ARID1B: variants seen among roughly 807,000 people sequenced by gnomAD.
ARID1B encodes AT-rich interactive domain-containing protein 1B.
A neutral mutation model predicts 212.3 loss-of-function variants in ARID1B; 30 were observed. That is an observed-to-expected ratio of 0.14 (90% CI 0.11 to 0.19). The LOEUF (loss-of-function observed/expected upper bound fraction) is 0.19, where lower values mean the gene tolerates loss of function less well. Among genes scored for constraint, ARID1B ranks in the 10% least tolerant of loss-of-function variants. The probability of loss-of-function intolerance (pLI) is 1.00; values close to 1 mark genes in which losing one functional copy is unlikely to be tolerated. For synonymous variants in ARID1B, 1,402 were observed against 1,301.7 expected, an observed-to-expected ratio of 1.08 and a Z score of -1.66; for missense variants, 2,891 against 3,204.0, an observed-to-expected ratio of 0.90 and a Z score of 2.36.
At chr6:157,022,800 T>C (rs1780403158) in intron 4 of ARID1B, 1 of 152,230 alleles carries the variant, frequency 6.6e-6, no homozygotes, top group Non-Finnish European at 1.5e-5. Flanking sequence ...CAACTTAATT[T>C]TGGAATTCTG....
At position 156,916,645 on chromosome 6, in the gene ARID1B, G is replaced by A. The variant is rs111554709; in HGVS notation, c.2136+15120G>A. Among the ~76,000 whole-genome samples, 525 of 151,964 alleles carry A rather than the reference G, an allele frequency of 3.5e-3. 4 individuals are homozygous for A. The highest frequency in any genetic ancestry group is 0.012 in the African/African-American group (508 of 41,430). On this transcript the variant is annotated intron_variant, in intron 3 of 19. Coordinates refer to ENST00000636930, the MANE Select transcript of ARID1B (RefSeq NM_001374828.1). ...GTTTCTGCTTGCCTTATGTTTCCCC[G>A]TTGTCAGGTCTCGATGCATCACATG...
At chr6:156,983,044 G>A (rs548124391) in intron 4 of ARID1B, among the ~76,000 whole-genome samples, 24 of 151,182 alleles carry the variant, frequency 1.6e-4, no homozygotes, top group Admixed American at 1.1e-3. Context: ...GCAGTGAGCC[G>A]AGATTGCACA....
intron 1 of ARID1B, among the ~76,000 whole-genome samples, chr6:156,806,297 G>C (rs568090816): frequency 6.6e-6 from 1 of 152,204 alleles, no homozygotes; most frequent in Non-Finnish European, 1.5e-5. Flanking sequence ...GGTTCTTTTA[G>C]TTTCTCAAGT....
At chr6:156,984,282 C>G (rs1458405747) in intron 4 of ARID1B, among the ~76,000 whole-genome samples, 1 of 152,232 alleles carries the variant, frequency 6.6e-6, no homozygotes, top group Non-Finnish European at 1.5e-5. Context: ...ATCATTGGAA[C>G]TAATTCTCTT....
rs561469382 is a variant in ARID1B, at chr6:157,021,182, C to T, written c.2248-63480C>T. 6.6e-5 allele frequency among the ~76,000 whole-genome samples: 10 copies of T among 152,226 alleles called. No homozygotes were observed. In the East Asian group the frequency reaches 1.2e-3, roughly 18 times the overall value. On this transcript the variant is annotated intron_variant, in intron 4 of 19. Coordinates refer to ENST00000636930, the MANE Select transcript of ARID1B (RefSeq NM_001374828.1). Reference sequence around the variant, plus strand: ...CGCTTTCAGGCCGCCAGCTCTCAGGCCTCGCTTTCCGGTCCTCACTGCGCG... The same window carrying T: ...CGCTTTCAGGCCGCCAGCTCTCAGGTCTCGCTTTCCGGTCCTCACTGCGCG...
chr6:157,137,176 G>A (rs1788983462), intron 7 of ARID1B, among the ~76,000 whole-genome samples: 1 of 152,060 alleles, frequency 6.6e-6, no homozygotes, highest in Admixed American at 6.5e-5. Flanking sequence ...GTGAGACCCT[G>A]TCGCAAAAAA....
chr6:156,895,885 G>A (rs185029820), intron 2 of ARID1B, among the ~76,000 whole-genome samples: 32 of 152,188 alleles, frequency 2.1e-4, no homozygotes, highest in Admixed American at 5.9e-4. Flanking sequence ...TTCAATGCAC[G>A]TTTCTATACT....
At chr6:157,064,826 C>A (rs1192809766) in intron 4 of ARID1B, among the ~76,000 whole-genome samples, 1 of 152,160 alleles carries the variant, frequency 6.6e-6, no homozygotes, top group East Asian at 1.9e-4. Context: ...GCCCTTCAGC[C>A]CCGGCTCTCA....
chr6:157,149,036 C>A, intron 8 of ARID1B, 85 bp downstream of exon 8: 1 of 1,363,176 alleles, frequency 7.3e-7, no homozygotes, highest in East Asian at 2.5e-5. Flanking sequence ...TGCATTGTTC[C>A]CTGGGGTCAC....
chr6:157,003,739 G>T (rs1370510759), intron 4 of ARID1B, among the ~76,000 whole-genome samples: 8 of 151,914 alleles, frequency 5.3e-5, no homozygotes, highest in African/African-American at 1.9e-4. Context: ...CCCAGGCTGG[G>T]GTGCAGTAGC....
intron 2 of ARID1B, among the ~76,000 whole-genome samples, chr6:156,894,491 C>G (rs564887228): frequency 3.9e-5 from 6 of 152,112 alleles, no homozygotes; most frequent in African/African-American, 1.4e-4. Context: ...TATTTTAGCA[C>G]AATTAAAAAA....
chr6:156,829,176 C>A, intron 1 of ARID1B, 51 bp from the exon 2 acceptor site: 1 of 1,480,924 alleles, frequency 6.8e-7, no homozygotes. Flanking sequence ...AAATTTGTGC[C>A]TTTGTAATAA....
Position 157,045,493 on chromosome 6 carries a change from GTCTC to G in ARID1B, c.2248-39163_2248-39160del, listed in dbSNP as rs561424776. 2.1e-3 allele frequency among the ~76,000 whole-genome samples: 327 copies of G among 152,174 alleles called. 1 individual carries two copies. The highest frequency in any genetic ancestry group is 0.012 in the South Asian group (56 of 4,826). Reference sequence around the variant, plus strand: ...CCTTTTTTTTCTTCTGTGAGACAGAGTCTCTCTCTGTCACCCAGGCTGGAGTGCA... The same window carrying G: ...CCTTTTTTTTCTTCTGTGAGACAGAGTCTCTGTCACCCAGGCTGGAGTGCA... On this transcript the variant is annotated intron_variant, in intron 4 of 19. Coordinates refer to ENST00000636930, the MANE Select transcript of ARID1B (RefSeq NM_001374828.1).
chr6:157,103,831 CT>C (rs869280492), intron 5 of ARID1B, among the ~76,000 whole-genome samples: 11,823 of 118,168 alleles, frequency 0.1, 520 homozygotes, highest in African/African-American at 0.18. Flanking sequence ...ATATTAACAA[CT>C]TTTTTTTTTT....
chr6:157,190,309 C>G lies in ARID1B; in HGVS notation c.4231+99C>G. On this transcript the variant is annotated intron_variant, in intron 15 of 19. Coordinates refer to ENST00000636930, the MANE Select transcript of ARID1B (RefSeq NM_001374828.1). The surrounding 1 kb of genome is among the most constrained non-coding windows in gnomAD (Gnocchi z 4.6). Reference sequence around the variant, plus strand: ...CCTTTCACTCAGAACACCTCTGAGCCCATGCTGCATCGGTGTGGGTCCCAG... The same window carrying G: ...CCTTTCACTCAGAACACCTCTGAGCGCATGCTGCATCGGTGTGGGTCCCAG... The G allele has an allele frequency of 5.9e-6, 8 of 1,366,228 alleles. No homozygotes were observed. The highest frequency in any genetic ancestry group is 7.8e-6 in the Non-Finnish European group (8 of 1,022,004). The allele number at this position is 1,366,228 out of a possible 1,614,324, so 84.6% of individuals were successfully genotyped here. A position where few individuals can be genotyped will look rare whatever the true frequency, so the allele number is the denominator to read the frequency against.
At chr6:157,147,387 G>T (rs1306266747) in intron 7 of ARID1B, among the ~76,000 whole-genome samples, 4 of 29,962 alleles carry the variant, frequency 1.3e-4, no homozygotes, top group African/African-American at 2.9e-4. Context: ...CCTCACCCCC[G>T]CCTCCGACCC....
At chr6:156,809,790 C>T (rs909198948) in intron 1 of ARID1B, among the ~76,000 whole-genome samples, 14 of 150,274 alleles carry the variant, frequency 9.3e-5, no homozygotes, top group African/African-American at 3.2e-4. Context: ...CTTCTCAAGT[C>T]TGGTGGCTGA....
chr6:157,122,625 G>T (rs1239563176), intron 6 of ARID1B, among the ~76,000 whole-genome samples: 1 of 152,174 alleles, frequency 6.6e-6, no homozygotes, highest in African/African-American at 2.4e-5. Flanking sequence ...ACCTGCCAGG[G>T]CACCATTTCC....
At chr6:156,878,258 C>T (rs11967944) in intron 2 of ARID1B, among the ~76,000 whole-genome samples, 6,469 of 151,918 alleles carry the variant, frequency 0.043, 484 homozygotes, top group African/African-American at 0.14. Flanking sequence ...TAGGTGTAAG[C>T]GATGAAGACC....
Sources: allele counts gnomAD v4.1 joint callset (sites outside exome capture counted in the v4.1 genomes callset), GRCh38; gene constraint gnomAD v4.1.1; non-coding constraint Gnocchi (gnomAD v3.1); transcripts MANE v1.5; gene names NCBI Gene and HGNC (gene_info 2026-07-23, HGNC 2026-07-21).